Variants in RIT2 observed in about 807,000 individuals in gnomAD.
RIT2 encodes the protein GTP-binding protein Rit2.
Under a neutral mutation model 23.7 loss-of-function variants are expected in RIT2, and 24 were observed. The ratio of observed to expected loss-of-function variants is 1.01; its 90% CI spans 0.73 to 1.43. The LOEUF is 1.43. Ranked by LOEUF, RIT2 falls within the 40% of genes most tolerant of loss-of-function variation. RIT2 has a pLI of 0.00. For synonymous variants in RIT2, 107 were observed against 91.1 expected, an observed-to-expected ratio of 1.17 and a Z score of -0.99; for missense variants, 236 against 266.9, an observed-to-expected ratio of 0.88 and a Z score of 0.81.
At chr18:42,973,147 C>A (rs951502442) in intron 3 of RIT2, among the ~76,000 whole-genome samples, 8 of 151,544 alleles carry the variant, frequency 5.3e-5, no homozygotes, top group African/African-American at 1.9e-4. Context: ...TTTTCTGTAC[C>A]ATTTGTCTCT....
At chr18:42,960,860 G>GA (rs1385815485) in intron 3 of RIT2, among the ~76,000 whole-genome samples, 1 of 152,132 alleles carries the variant, frequency 6.6e-6, no homozygotes, top group Non-Finnish European at 1.5e-5. Flanking sequence ...CAAGATAGGG[G>GA]AAAAATTGTC....
Position 42,763,259 on chromosome 18 carries a change from G to A in RIT2, c.427-19539C>T, listed in dbSNP as rs200626380. ...AGGTGGATCACGAGGTCAAGAGATC[G>A]AGACCATCCTGGCTAACAAGGTGAA... On this transcript the variant is annotated intron_variant, in intron 4 of 4. Coordinates refer to ENST00000326695, the MANE Select transcript of RIT2 (RefSeq NM_002930.4). Among the ~76,000 whole-genome samples the A allele has an allele frequency of 7.2e-5, 11 of 152,200 alleles. No individual in the cohort carries two copies. The East Asian group carries it at 1.6e-3, about 21-fold the overall frequency.
intron 4 of RIT2, among the ~76,000 whole-genome samples, chr18:42,861,751 T>C (rs970923414): frequency 6.6e-6 from 1 of 152,222 alleles, no homozygotes; most frequent in African/African-American, 2.4e-5. Context: ...AATAAATACA[T>C]CCAGAGTCTC....
intron 4 of RIT2, among the ~76,000 whole-genome samples, chr18:42,804,033 A>T (rs1266827055): frequency 6.6e-6 from 1 of 152,338 alleles, no homozygotes; most frequent in African/African-American, 2.4e-5. Context: ...CTTGACACAT[A>T]CTTATTAGTG....
intron 4 of RIT2, among the ~76,000 whole-genome samples, chr18:42,907,157 T>C (rs905722390): frequency 2.6e-5 from 4 of 152,200 alleles, no homozygotes; most frequent in Non-Finnish European, 5.9e-5. Flanking sequence ...TATCCCTTAA[T>C]TAAGTGCATA....
chr18:43,037,724 C>G (rs1171849419), intron 1 of RIT2, among the ~76,000 whole-genome samples: 1 of 151,884 alleles, frequency 6.6e-6, no homozygotes, highest in Admixed American at 6.6e-5. Flanking sequence ...TACAGTATTT[C>G]CAGGGTTCTT....
At chr18:43,036,966 ATGTTACAC>A (rs1911995600) in intron 1 of RIT2, among the ~76,000 whole-genome samples, 2 of 152,220 alleles carry the variant, frequency 1.3e-5, no homozygotes, top group African/African-American at 4.8e-5. Flanking sequence ...ATTTCATTTT[ATGTTACAC>A]AGTTTTATAT....
chr18:42,943,429 G>A (rs893939418), intron 3 of RIT2, among the ~76,000 whole-genome samples: 3 of 151,980 alleles, frequency 2.0e-5, no homozygotes, highest in Middle Eastern at 3.2e-3. Flanking sequence ...AGGAAGTCCC[G>A]CTGACTTCAC....
intron 4 of RIT2, among the ~76,000 whole-genome samples, chr18:42,921,810 G>A (rs561904433): frequency 1.3e-5 from 2 of 151,982 alleles, no homozygotes; most frequent in Non-Finnish European, 2.9e-5. Flanking sequence ...GCACATTTAG[G>A]GTGCTTTGTC....
intron 2 of RIT2, among the ~76,000 whole-genome samples, chr18:43,003,761 GACACACACACACACAC>G (rs56860348): frequency 0.01 from 1,348 of 129,584 alleles, 39 homozygotes; most frequent in African/African-American, 0.035. Context: ...CCTCCTCAGT[GACACACACACACACAC>G]ACACACACAC....
At chr18:42,969,869 C>A (rs1485888348) in intron 3 of RIT2, among the ~76,000 whole-genome samples, 1 of 151,848 alleles carries the variant, frequency 6.6e-6, no homozygotes, top group African/African-American at 2.4e-5. Context: ...AACCCAGTAT[C>A]AAAATTTGTG....
intron 2 of RIT2, among the ~76,000 whole-genome samples, chr18:43,024,916 C>T (rs186127869): frequency 2.3e-4 from 35 of 151,894 alleles, no homozygotes; most frequent in East Asian, 2.0e-4. Flanking sequence ...CTATCATTAA[C>T]AAGCCAACAG....
chr18:43,042,942 C>A, intron 1 of RIT2, among the ~76,000 whole-genome samples: 1 of 151,950 alleles, frequency 6.6e-6, no homozygotes, highest in East Asian at 1.9e-4. Context: ...GCATTTTCAA[C>A]AAGAATAAGA....
At chr18:43,110,602 C>T (rs1913930974) in intron 1 of RIT2, among the ~76,000 whole-genome samples, 2 of 151,866 alleles carry the variant, frequency 1.3e-5, no homozygotes, top group Admixed American at 6.6e-5. Flanking sequence ...GGGTGAGTGG[C>T]GGGCAGTGGA....
chr18:42,984,325 G>A (rs1199805205), intron 2 of RIT2, among the ~76,000 whole-genome samples: 4 of 152,006 alleles, frequency 2.6e-5, no homozygotes, highest in African/African-American at 9.7e-5. Context: ...GTTACAAACT[G>A]TATGATTCCA....
chr18:42,955,460 C>A (rs1037902419), intron 3 of RIT2, among the ~76,000 whole-genome samples: 4 of 152,172 alleles, frequency 2.6e-5, no homozygotes, highest in Admixed American at 6.5e-5. Flanking sequence ...CCAACACTCT[C>A]TCCACTTAAG....
chr18:43,050,761 A>T (rs924978952), intron 1 of RIT2, among the ~76,000 whole-genome samples: 1 of 152,052 alleles, frequency 6.6e-6, no homozygotes, highest in African/African-American at 2.4e-5. Flanking sequence ...TGAAGCTTCC[A>T]TAAAAAACCC....
rs1913944570 is a variant in RIT2 at position 43,111,200 on chromosome 18, G to A, written c.103+4217C>T. On this transcript the variant is annotated intron_variant, in intron 1 of 4. Coordinates refer to ENST00000326695, the MANE Select transcript of RIT2 (RefSeq NM_002930.4). ...TGTCAAGTGAAATAAGCCAGACACA[G>A]AAAGACAAACTTTGCATGGTCTCAT... Among the ~76,000 whole-genome samples the A allele has an allele frequency of 2.0e-5, 3 of 152,268 alleles. No homozygotes were observed. The South Asian group carries it at 6.2e-4, about 32-fold the overall frequency.
At chr18:43,007,458 G>A (rs1911253369) in intron 2 of RIT2, among the ~76,000 whole-genome samples, 1 of 151,720 alleles carries the variant, frequency 6.6e-6, no homozygotes, top group African/African-American at 2.4e-5. Context: ...AGGTTGTGGT[G>A]TTAAATCACC....
Sources: gnomAD v4.1 joint callset for allele counts (sites outside exome capture counted in the v4.1 genomes callset) on GRCh38, gnomAD v4.1.1 for gene constraint, MANE v1.5 for transcripts, NCBI Gene and HGNC (gene_info 2026-07-23, HGNC 2026-07-21) for gene names.